The following CHRM3 variants were observed in gnomAD, a reference collection of about 807,000 sequenced individuals.
The protein encoded by CHRM3 is cholinergic receptor muscarinic 3.
A neutral mutation model predicts 41.8 loss-of-function variants in CHRM3; 11 were observed. The observed-to-expected ratio is 0.26, with a 90% CI of 0.17 to 0.44. CHRM3 has a LOEUF of 0.44. Ranked by LOEUF, CHRM3 falls within the 20% of genes least tolerant of loss-of-function variation. The pLI, the probability that CHRM3 is intolerant of heterozygous loss-of-function variation, is 1.00. For missense variants in CHRM3, 571 were observed against 745.4 expected (o/e 0.77, Z 2.72); for synonymous variants, 297 against 301.4 (o/e 0.99, Z 0.15).
At chr1:239,672,827 G>T (rs1240505410) in intron 4 of CHRM3, among the ~76,000 whole-genome samples, 1 of 152,086 alleles carries the variant, frequency 6.6e-6, no homozygotes, top group Non-Finnish European at 1.5e-5. Flanking sequence ...GGGAGTGCCT[G>T]TGTTTTCTAA....
intron 3 of CHRM3, among the ~76,000 whole-genome samples, chr1:239,568,109 C>T (rs1661518999): frequency 6.6e-6 from 1 of 152,120 alleles, no homozygotes; most frequent in African/African-American, 2.4e-5. Flanking sequence ...GCCTCCTGGA[C>T]AGCCAGGTTC....
At chr1:239,570,031 G>C (rs989650756) in intron 3 of CHRM3, among the ~76,000 whole-genome samples, 1 of 152,094 alleles carries the variant, frequency 6.6e-6, no homozygotes, top group Non-Finnish European at 1.5e-5. Flanking sequence ...AACAACAAAA[G>C]AAAGTTCAGG....
chr1:239,613,028 T>C (rs1667239133), intron 3 of CHRM3, among the ~76,000 whole-genome samples: 1 of 152,234 alleles, frequency 6.6e-6, no homozygotes, highest in South Asian at 2.1e-4. Context: ...CCTGACTGTG[T>C]ATGCTATTTT....
At chr1:239,471,517 C>T (rs1016539580) in intron 1 of CHRM3, among the ~76,000 whole-genome samples, 4 of 152,070 alleles carry the variant, frequency 2.6e-5, no homozygotes, top group Admixed American at 6.5e-5. Flanking sequence ...AGAGCCTGAA[C>T]GAAAGACTGG....
At chr1:239,569,271 T>C (rs147012102) in intron 3 of CHRM3, among the ~76,000 whole-genome samples, 21 of 152,168 alleles carry the variant, frequency 1.4e-4, no homozygotes, top group Non-Finnish European at 3.1e-4. Context: ...AAATGGTAAA[T>C]GGTGTTTAGT....
chr1:239,879,660 G>A (rs955903565), intron 6 of CHRM3, among the ~76,000 whole-genome samples: 1 of 152,210 alleles, frequency 6.6e-6, no homozygotes, highest in East Asian at 1.9e-4. Context: ...CGCCCAGTGT[G>A]CAGAATCCGG....
Position 239,618,542 on chromosome 1 carries a change from C to A in CHRM3, c.-312-13682C>A, listed in dbSNP as rs549316005. Among the ~76,000 whole-genome samples, 3 of 151,916 alleles carry A rather than the reference C, an allele frequency of 2.0e-5. No homozygotes were observed. In the South Asian group the frequency reaches 6.2e-4, roughly 32 times the overall value. On this transcript the variant is annotated intron_variant, in intron 3 of 6. Coordinates refer to ENST00000676153, the MANE Select transcript of CHRM3 (RefSeq NM_001375978.1). ...GTGGAAAAATGATATACATTCCTAT[C>A]ACTTAAAAGATAGTCAAGATGGCCG... is the stretch of plus-strand genomic sequence containing the variant.
At chr1:239,550,128 T>A (rs1433378062) in intron 3 of CHRM3, among the ~76,000 whole-genome samples, 3 of 152,086 alleles carry the variant, frequency 2.0e-5, no homozygotes, top group African/African-American at 4.8e-5. Flanking sequence ...AAGCCCCACC[T>A]AGCAGCAGCA....
intron 5 of CHRM3, among the ~76,000 whole-genome samples, chr1:239,773,374 T>G (rs1667841261): frequency 6.6e-6 from 1 of 152,228 alleles, no homozygotes; most frequent in Non-Finnish European, 1.5e-5. Flanking sequence ...CTTAAGTAAC[T>G]GTTTACTTAT....
At chr1:239,572,004 C>T (rs949000535) in intron 3 of CHRM3, among the ~76,000 whole-genome samples, 4 of 152,110 alleles carry the variant, frequency 2.6e-5, no homozygotes, top group African/African-American at 4.8e-5. Context: ...ATATGCCAGA[C>T]GCTATGCTAA....
chr1:239,850,002 A>G (rs1364328045), intron 6 of CHRM3, among the ~76,000 whole-genome samples: 1 of 152,108 alleles, frequency 6.6e-6, no homozygotes, highest in Non-Finnish European at 1.5e-5. Flanking sequence ...ATTCCTGGGA[A>G]AATAAATATA....
At chr1:239,766,195 A>T (rs1055257631) in intron 5 of CHRM3, among the ~76,000 whole-genome samples, 6 of 152,162 alleles carry the variant, frequency 3.9e-5, no homozygotes, top group African/African-American at 1.4e-4. Flanking sequence ...TAAATAACTG[A>T]AGCCCCGAGG....
At chr1:239,465,692 A>T (rs1483181471) in intron 1 of CHRM3, among the ~76,000 whole-genome samples, 1 of 152,150 alleles carries the variant, frequency 6.6e-6, no homozygotes, top group Non-Finnish European at 1.5e-5. Context: ...GGTTCAGGTA[A>T]TTCCTTATCA....
chr1:239,455,241 G>T (rs1328681744), intron 1 of CHRM3, among the ~76,000 whole-genome samples: 1 of 151,990 alleles, frequency 6.6e-6, no homozygotes, highest in East Asian at 1.9e-4. Context: ...AGTAGACACG[G>T]GGTTTCTCCC....
chr1:239,500,374 C>A (rs753781283), intron 2 of CHRM3, among the ~76,000 whole-genome samples: 17 of 151,384 alleles, frequency 1.1e-4, no homozygotes, highest in Non-Finnish European at 1.9e-4. Flanking sequence ...GGACAAAAAA[C>A]CAAACACCGC....
At chr1:239,851,850 A>G (rs1207311373) in intron 6 of CHRM3, among the ~76,000 whole-genome samples, 1 of 152,112 alleles carries the variant, frequency 6.6e-6, no homozygotes, top group African/African-American at 2.4e-5. Flanking sequence ...GCAGTTTCTA[A>G]ATGAAAGGCT....
chr1:239,515,234 TA>T (rs200572777), intron 2 of CHRM3, among the ~76,000 whole-genome samples: 1,839 of 152,022 alleles, frequency 0.012, 36 homozygotes, highest in African/African-American at 0.042. Context: ...CCTAATAAAA[TA>T]AAATTTTTGT....
At chr1:239,584,546 T>G (rs989368789) in intron 3 of CHRM3, among the ~76,000 whole-genome samples, 3 of 152,182 alleles carry the variant, frequency 2.0e-5, no homozygotes, top group Non-Finnish European at 4.4e-5. Context: ...AAGTAGTGTA[T>G]TGAAGAACAT....
chr1:239,877,699 A>G (rs1677221092), intron 6 of CHRM3, among the ~76,000 whole-genome samples: 1 of 151,966 alleles, frequency 6.6e-6, no homozygotes, highest in South Asian at 2.1e-4. Flanking sequence ...GGGCTGCTTC[A>G]TGCTTCTTCT....
Sources: gnomAD v4.1 joint callset for allele counts (sites outside exome capture counted in the v4.1 genomes callset) on GRCh38, gnomAD v4.1.1 for gene constraint, MANE v1.5 for transcripts, NCBI Gene and HGNC (gene_info 2026-07-23, HGNC 2026-07-21) for gene names.